The following CPED1 variants were observed in gnomAD, a reference collection of about 807,000 sequenced individuals.
CPED1 encodes cadherin-like and PC-esterase domain-containing protein 1.
In CPED1, 114 loss-of-function variants were observed where a neutral mutation model predicts 128.2. That is an observed-to-expected ratio of 0.89 (90% CI 0.76 to 1.04). The LOEUF (loss-of-function observed/expected upper bound fraction) is 1.04, where lower values mean the gene tolerates loss of function less well. CPED1 is among the 50% of genes least tolerant of loss of function. CPED1 has a pLI of 0.00. For synonymous variants in CPED1, 462 were observed against 426.7 expected (o/e 1.08, Z -1.02); for missense variants, 1,211 against 1,207.1 (o/e 1.00, Z -0.05).
chr7:121,256,102 A>T (rs1791855192), intron 18 of CPED1, among the ~76,000 whole-genome samples: 1 of 136,654 alleles, frequency 7.3e-6, no homozygotes, highest in Admixed American at 8.1e-5. Context: ...TAGTTAAAGC[A>T]ATCCTAAGCA....
chr7:121,226,636 T>G (rs897641983), intron 16 of CPED1, among the ~76,000 whole-genome samples: 10 of 152,122 alleles, frequency 6.6e-5, no homozygotes, highest in Non-Finnish European at 1.5e-4. Flanking sequence ...GGTTTAAATT[T>G]ATATGCAATT....
At position 121,212,430 on chromosome 7, in the gene CPED1, G is replaced by GT. The variant is rs879318116; in HGVS notation, c.2056-24278dup. The stretch of plus-strand genomic sequence containing the variant: ...TTTAGGCCCCACTTCCCCTGTCTCT[G>GT]TTTTTTCCTCTGCTTAGAAAGCCTG... On this transcript the variant is annotated intron_variant, in intron 16 of 22. Transcript: ENST00000310396. Among the ~76,000 whole-genome samples, 25 of 152,126 alleles carry GT rather than the reference G, an allele frequency of 1.6e-4. No homozygotes were observed. The Middle Eastern group carries it at 0.01, about 62-fold the overall frequency.
In CPED1 at chr7:121,130,160, G is replaced by A; in HGVS notation, c.1443G>A (p.Leu481=). The part of the protein sequence containing the change: ...FPSTTPGIQS[L]MHEFYDVANP... ...CTACTACTCCTGGGATTCAGTCACT[G>A]ATGCATGAATTTTATGATGTGGCAA... The change falls in exon 12 of 23, where the codon CTG becomes CTA. Residue 481 remains leucine (L), a synonymous_variant. Transcript: ENST00000310396. 6.2e-7 allele frequency: 1 copy of A among 1,612,770 alleles called. No homozygotes were observed. Among genetic ancestry groups the A allele is most frequent in the Non-Finnish European group, 8.5e-7 (1 of 1,179,060 alleles).
Position 121,072,416 on chromosome 7 carries a change from C to A in CPED1, c.616+8103C>A, listed in dbSNP as rs536880847. ...ACCAAAAAATTTTAAGAACTACTCC[C>A]AGCATTCATAGTATAGAAGAATCTA... On this transcript the variant is annotated intron_variant, in intron 5 of 22. Coordinates refer to ENST00000310396, the MANE Select transcript of CPED1 (RefSeq NM_024913.5). 1.3e-3 allele frequency among the ~76,000 whole-genome samples: 204 copies of A among 152,222 alleles called. 2 individuals carry two copies. The highest frequency in any genetic ancestry group is 1.4e-3 in the Non-Finnish European group (95 of 67,986).
intron 3 of CPED1, among the ~76,000 whole-genome samples, chr7:121,037,191 T>G (rs996008903): frequency 6.6e-6 from 1 of 152,166 alleles, no homozygotes; most frequent in African/African-American, 2.4e-5. Context: ...GCTTTTGGGT[T>G]TTTGGTCATG....
intron 5 of CPED1, among the ~76,000 whole-genome samples, chr7:121,079,308 A>G (rs953385497): frequency 6.6e-6 from 1 of 152,226 alleles, no homozygotes; most frequent in Admixed American, 6.5e-5. Flanking sequence ...GACAAAAACA[A>G]TAGATGTGTA....
chr7:121,138,907 T>A (rs1295162160), intron 14 of CPED1, among the ~76,000 whole-genome samples: 1 of 151,972 alleles, frequency 6.6e-6, no homozygotes, highest in African/African-American at 2.4e-5. Flanking sequence ...ATTAATAATA[T>A]CCTGTTTTTA....
intron 4 of CPED1, among the ~76,000 whole-genome samples, chr7:121,048,941 G>C (rs1354748067): frequency 1.3e-5 from 2 of 152,116 alleles, no homozygotes; most frequent in African/African-American, 4.8e-5. Flanking sequence ...GCTAAATCTT[G>C]CTCAATGGTT....
chr7:121,097,269 G>A (rs1470102184), intron 5 of CPED1, among the ~76,000 whole-genome samples: 1 of 152,082 alleles, frequency 6.6e-6, no homozygotes, highest in African/African-American at 2.4e-5. Context: ...GCATAACAAA[G>A]TTTAGTATAT....
chr7:121,009,364 G>A (rs999259776), intron 2 of CPED1, among the ~76,000 whole-genome samples: 2 of 152,142 alleles, frequency 1.3e-5, no homozygotes, highest in Admixed American at 6.5e-5. Flanking sequence ...AGCATTTTGA[G>A]AGGCTGAGGC....
chr7:121,284,270 C>A (rs539928260), intron 22 of CPED1, among the ~76,000 whole-genome samples: 2 of 152,158 alleles, frequency 1.3e-5, no homozygotes, highest in African/African-American at 4.8e-5. Context: ...TAATACCTCC[C>A]ACGAGGTCCC....
At chr7:121,177,915 C>T (rs1031021208) in intron 16 of CPED1, among the ~76,000 whole-genome samples, 5 of 152,070 alleles carry the variant, frequency 3.3e-5, no homozygotes, top group African/African-American at 4.8e-5. Context: ...CTGGATTCTT[C>T]CCTACAGGAA....
chr7:121,220,885 T>C (rs1797859971), intron 16 of CPED1, among the ~76,000 whole-genome samples: 1 of 152,170 alleles, frequency 6.6e-6, no homozygotes, highest in South Asian at 2.1e-4. Flanking sequence ...TTAAATAAGA[T>C]CATGGTATAC....
intron 16 of CPED1, among the ~76,000 whole-genome samples, chr7:121,192,942 C>T (rs747619363): frequency 2.8e-4 from 43 of 152,124 alleles, no homozygotes; most frequent in Non-Finnish European, 2.8e-4. Flanking sequence ...CATGTATTTT[C>T]TGGGAACTTG....
At chr7:121,249,087 C>A (rs1562849859) in intron 18 of CPED1, among the ~76,000 whole-genome samples, 1 of 151,952 alleles carries the variant, frequency 6.6e-6, no homozygotes, top group Non-Finnish European at 1.5e-5. Flanking sequence ...TCTCCAAACT[C>A]AAAAACGGGT....
intron 16 of CPED1, among the ~76,000 whole-genome samples, chr7:121,148,768 A>T (rs1796083166): frequency 6.6e-6 from 1 of 152,104 alleles, no homozygotes; most frequent in Non-Finnish European, 1.5e-5. Flanking sequence ...CCCTTTGTGG[A>T]CCCTTTGTTC....
intron 16 of CPED1, among the ~76,000 whole-genome samples, chr7:121,177,073 T>C (rs899644371): frequency 6.6e-6 from 1 of 152,048 alleles, no homozygotes; most frequent in Non-Finnish European, 1.5e-5. Context: ...TAGATTTTGG[T>C]ATTTTGTTTG....
intron 16 of CPED1, among the ~76,000 whole-genome samples, chr7:121,232,414 A>G (rs182682090): frequency 2.6e-5 from 4 of 152,236 alleles, no homozygotes; most frequent in Admixed American, 1.3e-4. Flanking sequence ...TGCTAAAGAT[A>G]TGAGATGTGG....
At chr7:121,186,792 ATCTTG>A (rs999238848) in intron 16 of CPED1, among the ~76,000 whole-genome samples, 38 of 152,304 alleles carry the variant, frequency 2.5e-4, no homozygotes, top group Non-Finnish European at 3.4e-4. Context: ...GGTTAAATTT[ATCTTG>A]TCTTTTCTAG....
Sources: gnomAD v4.1 joint callset for allele counts (sites outside exome capture counted in the v4.1 genomes callset) on GRCh38, gnomAD v4.1.1 for gene constraint, MANE v1.5 for transcripts, NCBI Gene and HGNC (gene_info 2026-07-23, HGNC 2026-07-21) for gene names.